RFX3: variants seen among roughly 807,000 people sequenced by gnomAD.
RFX3 encodes the protein regulatory factor X3.
In RFX3, 14 loss-of-function variants were observed where a neutral mutation model predicts 98.6. The observed-to-expected ratio is 0.14, with a 90% CI of 0.09 to 0.22. RFX3 has a LOEUF of 0.22. RFX3 is among the 10% of genes least tolerant of loss of function. The pLI, the probability that RFX3 is intolerant of heterozygous loss-of-function variation, is 1.00. For synonymous variants in RFX3, 383 were observed against 328.4 expected (o/e 1.17, Z -1.80); for missense variants, 639 against 926.9 (o/e 0.69, Z 4.03).
chr9:3,366,321 T>G (rs568115596), intron 2 of RFX3, among the ~76,000 whole-genome samples: 63 of 152,156 alleles, frequency 4.1e-4, no homozygotes, highest in African/African-American at 1.2e-3. Context: ...TCTTGTTTGT[T>G]TTTTTGCACT....
intron 2 of RFX3, among the ~76,000 whole-genome samples, chr9:3,385,043 C>T (rs534861785): frequency 1.3e-5 from 2 of 152,154 alleles, no homozygotes; most frequent in Non-Finnish European, 2.9e-5. Flanking sequence ...CTTTGACACA[C>T]TGATGACAAA....
chr9:3,505,246 A>T (rs1464877609), intron 1 of RFX3, among the ~76,000 whole-genome samples: 2 of 74,856 alleles, frequency 2.7e-5, no homozygotes, highest in African/African-American at 1.8e-4. Context: ...ATATTTATAT[A>T]TATATGAATA....
At chr9:3,436,198 A>T (rs1188191878) in intron 1 of RFX3, among the ~76,000 whole-genome samples, 2 of 152,086 alleles carry the variant, frequency 1.3e-5, no homozygotes, top group African/African-American at 4.8e-5. Context: ...ACAATTCTTC[A>T]TGAAGCCAAG....
At chr9:3,408,013 C>T (rs903101187) in intron 1 of RFX3, among the ~76,000 whole-genome samples, 1 of 152,088 alleles carries the variant, frequency 6.6e-6, no homozygotes, top group Non-Finnish European at 1.5e-5. Context: ...AGGTACACAC[C>T]ATAACGCCCA....
In RFX3 at chr9:3,525,889, G is replaced by A; in HGVS notation, c.-151C>T. 2.0e-6 allele frequency: 2 copies of A among 984,740 alleles called. No individual in the cohort carries two copies. Among genetic ancestry groups the A allele is most frequent in the Non-Finnish European group, 2.4e-6 (2 of 829,794 alleles). 61.0% of individuals were successfully genotyped at this position (984,740 alleles called of 1,614,324 possible). A position where few individuals can be genotyped will look rare whatever the true frequency, so the allele number is the denominator to read the frequency against. On this transcript the variant is annotated 5_prime_UTR_variant, in exon 1 of 17. Coordinates refer to ENST00000617270, the MANE Select transcript of RFX3 (RefSeq NM_001282116.2). ...TCGCCAGGACTACGGTGACTATGGCGCTTGATTCACAAGGCAACGGTTGCT... is the reference window on the plus strand; with the variant it reads ...TCGCCAGGACTACGGTGACTATGGCACTTGATTCACAAGGCAACGGTTGCT...
At chr9:3,382,951 A>C (rs1564019583) in intron 2 of RFX3, among the ~76,000 whole-genome samples, 2 of 152,280 alleles carry the variant, frequency 1.3e-5, no homozygotes, top group East Asian at 3.9e-4. Flanking sequence ...ACACTAAATA[A>C]ATACCTATGG....
intron 1 of RFX3, among the ~76,000 whole-genome samples, chr9:3,455,975 T>C (rs886996112): frequency 6.6e-6 from 1 of 152,228 alleles, no homozygotes; most frequent in African/African-American, 2.4e-5. Flanking sequence ...TGACAATCCT[T>C]GGCTGGAAGT....
intron 1 of RFX3, among the ~76,000 whole-genome samples, chr9:3,405,865 C>T (rs1266386602): frequency 6.6e-6 from 1 of 152,168 alleles, no homozygotes; most frequent in Non-Finnish European, 1.5e-5. Context: ...TAGAATATAG[C>T]TCCTGCCTAC....
At chr9:3,323,997 A>T (rs1267381781) in intron 4 of RFX3, 1 of 432,242 alleles carries the variant, frequency 2.3e-6, no homozygotes, top group East Asian at 7.2e-5. Flanking sequence ...TGCTTTGAAA[A>T]TGAGGCCCAG....
At chr9:3,235,142 A>G (rs938655539) in intron 15 of RFX3, among the ~76,000 whole-genome samples, 11 of 152,248 alleles carry the variant, frequency 7.2e-5, no homozygotes, top group Non-Finnish European at 1.3e-4. Context: ...ACAAGAGATT[A>G]GGGAAAAGTT....
chr9:3,336,883 T>C (rs1172478243), intron 3 of RFX3, among the ~76,000 whole-genome samples: 1 of 152,202 alleles, frequency 6.6e-6, no homozygotes, highest in African/African-American at 2.4e-5. Context: ...AAATTTTGTT[T>C]TTATCGTAAG....
intron 1 of RFX3, among the ~76,000 whole-genome samples, chr9:3,474,640 A>C (rs1479642776): frequency 6.6e-6 from 1 of 152,222 alleles, no homozygotes; most frequent in Non-Finnish European, 1.5e-5. Flanking sequence ...GTCAGCCAAC[A>C]AGTGGCAGCC....
At chr9:3,463,392 GATT>G (rs1406994535) in intron 1 of RFX3, among the ~76,000 whole-genome samples, 1 of 151,952 alleles carries the variant, frequency 6.6e-6, no homozygotes, top group Non-Finnish European at 1.5e-5. Flanking sequence ...CTAAAAATGA[GATT>G]ATAAGCTACT....
At chr9:3,260,494 G>A (rs1013805272) in intron 13 of RFX3, among the ~76,000 whole-genome samples, 10 of 151,806 alleles carry the variant, frequency 6.6e-5, no homozygotes, top group Middle Eastern at 3.4e-3. Flanking sequence ...ACAGAACACT[G>A]AAAAACTTTT....
intron 2 of RFX3, among the ~76,000 whole-genome samples, chr9:3,370,440 T>C (rs1009697777): frequency 1.3e-5 from 2 of 151,780 alleles, no homozygotes; most frequent in African/African-American, 4.8e-5. Flanking sequence ...CTCTATCCTT[T>C]CAAATCTTCT....
intron 4 of RFX3, among the ~76,000 whole-genome samples, chr9:3,317,311 G>C (rs1830732022): frequency 6.6e-6 from 1 of 152,196 alleles, no homozygotes; most frequent in Non-Finnish European, 1.5e-5. Context: ...AAACTGGCTA[G>C]CCACATGTAG....
intron 1 of RFX3, among the ~76,000 whole-genome samples, chr9:3,493,003 T>A (rs1850833868): frequency 6.6e-6 from 1 of 152,162 alleles, no homozygotes; most frequent in Non-Finnish European, 1.5e-5. Flanking sequence ...ATCTTCATTA[T>A]AACTCATCAA....
At chr9:3,249,069 C>T (rs571765877) in intron 14 of RFX3, among the ~76,000 whole-genome samples, 2 of 152,042 alleles carry the variant, frequency 1.3e-5, no homozygotes, top group Admixed American at 1.3e-4. Flanking sequence ...TTTCTTATCA[C>T]TTTCATTTAC....
chr9:3,344,240 C>A (rs1834192343), intron 3 of RFX3, among the ~76,000 whole-genome samples: 1 of 152,156 alleles, frequency 6.6e-6, no homozygotes, highest in Non-Finnish European at 1.5e-5. Flanking sequence ...ATACATAAAG[C>A]ACTTTTGATA....
Sources: gnomAD v4.1 joint callset for allele counts (sites outside exome capture counted in the v4.1 genomes callset) on GRCh38, gnomAD v4.1.1 for gene constraint, MANE v1.5 for transcripts, NCBI Gene and HGNC (gene_info 2026-07-23, HGNC 2026-07-21) for gene names.